The following HRAS variants were observed in gnomAD, a reference collection of about 807,000 sequenced individuals.
The protein encoded by HRAS is GTPase HRas.
A neutral mutation model predicts 19.8 loss-of-function variants in HRAS; 11 were observed. That is an observed-to-expected ratio of 0.55 (90% CI 0.35 to 0.92). The LOEUF (loss-of-function observed/expected upper bound fraction) is 0.92, where lower values mean the gene tolerates loss of function less well. Among genes scored for constraint, HRAS ranks in the 40% least tolerant of loss-of-function variants. The pLI is 0.01. For synonymous variants in HRAS, 149 were observed against 105.5 expected (o/e 1.41, Z -2.52); for missense variants, 204 against 255.9 (o/e 0.80, Z 1.38).
At chr11:534,542 G>C in intron 1 of HRAS, 167 bp from the exon 2 acceptor site, 1 of 595,896 alleles carries the variant, frequency 1.7e-6, no homozygotes, top group Admixed American at 3.0e-5. Flanking sequence ...CCCAGCGTGC[G>C]GGAGGGCTGT....
chr11:532,772 G>A lies in HRAS; in HGVS notation c.451-17C>T, dbSNP rs754150592. ...CTCCACTCCCTGGGAAAGGAGGGAT[G>A]GGATCAGGAGGGACCGGCCTGTGGC... On this transcript the variant is annotated splice_polypyrimidine_tract_variant and intron_variant, in intron 4 of 5. Coordinates refer to ENST00000311189, the MANE Select transcript of HRAS (RefSeq NM_005343.4). 2 of 1,610,894 alleles carry A rather than the reference G, an allele frequency of 1.2e-6. No individual in the cohort carries two copies. The highest frequency in any genetic ancestry group is 1.7e-5 in the Admixed American group (1 of 60,006).
Position 533,337 on chromosome 11 carries a change from A to C in HRAS, c.450+116T>G, listed in dbSNP as rs748920784. 6.2e-6 allele frequency: 10 copies of C among 1,605,186 alleles called. No individual in the cohort carries two copies. The highest frequency in any genetic ancestry group is 1.7e-5 in the Admixed American group (1 of 59,946). On this transcript the variant is annotated intron_variant, in intron 4 of 5. Transcript: ENST00000311189. Reference sequence around the variant, plus strand: ...GGGTCCCAGAGGGTCCCGGAGCTGGAGCTAGAGCCAGAGCGGCTGCCCTGT... The same window carrying C: ...GGGTCCCAGAGGGTCCCGGAGCTGGCGCTAGAGCCAGAGCGGCTGCCCTGT...
intron 4 of HRAS, 78 bp from the exon 5 acceptor site, chr11:532,833 C>T (rs959690532): frequency 6.9e-7 from 1 of 1,457,000 alleles, no homozygotes; most frequent in East Asian, 2.3e-5. Flanking sequence ...GCTGTGGGAT[C>T]AAGCCTTGCC....
chr11:534,294 CCCA>C lies in HRAS; in HGVS notation c.26_28del (p.Val9del), dbSNP rs1164486792. 6.2e-7 allele frequency: 1 copy of C among 1,613,164 alleles called. No homozygotes were observed. The highest frequency in any genetic ancestry group is 8.5e-7 in the Non-Finnish European group (1 of 1,179,864). Reference sequence around the variant, plus strand: ...CGCACTCTTGCCCACACCGCCGGCGCCCACCACCACCAGCTTATATTCCGTCAT... The same window carrying C: ...CGCACTCTTGCCCACACCGCCGGCGCCCACCACCAGCTTATATTCCGTCAT... On this transcript the variant is annotated inframe_deletion, in exon 2 of 6. Coordinates refer to ENST00000311189, the MANE Select transcript of HRAS (RefSeq NM_005343.4).
rs2133995845 is a variant in HRAS, at chr11:534,375, C to G, written c.-53G>C. ...TCCTCCTACAGGGTCTCCTGCCCCA[C>G]CTGCCAAGGAGGGCCCTGCTCAGCC... On this transcript the variant is annotated splice_region_variant and 5_prime_UTR_variant, in exon 2 of 6. Coordinates refer to ENST00000311189, the MANE Select transcript of HRAS (RefSeq NM_005343.4). The G allele has an allele frequency of 6.9e-7, 1 of 1,452,954 alleles. No individual in the cohort carries two copies. 90.0% of individuals were successfully genotyped at this position (1,452,954 alleles called of 1,614,324 possible).
rs772211333 is a variant in HRAS, at chr11:533,500, G to A, written c.403C>T (p.Arg135Ter). The A allele has an allele frequency of 2.5e-6, 4 of 1,613,488 alleles. No individual in the cohort carries two copies. Among genetic ancestry groups the A allele is most frequent in the South Asian group, 1.1e-5 (1 of 91,092 alleles). The stretch of plus-strand genomic sequence containing the variant: ...TCGATGTAGGGGATGCCGTAGCTTC[G>A]GGCGAGGTCCTGAGCCTGCCGAGAT... ...VESRQAQDLA[R>*]SYGIPYIETS... The change falls in exon 4 of 6, where the codon CGA becomes TGA. Residue 135 changes from arginine to a stop codon, truncating the protein, a stop_gained. Transcript: ENST00000311189. LOFTEE classifies it high-confidence loss of function.
Position 532,869 on chromosome 11 carries a change from G to A in HRAS, c.451-114C>T, listed in dbSNP as rs1564788127. On this transcript the variant is annotated intron_variant, in intron 4 of 5. Transcript: ENST00000311189. ...TGGCCCGAAGCTCCCGACTCCACCA[G>A]CCACTTCCCCAGGCCCACCACACAC... is the stretch of plus-strand genomic sequence containing the variant. The A allele has an allele frequency of 1.1e-4, 111 of 1,052,932 alleles. 1 individual carries two copies. The highest frequency in any genetic ancestry group is 1.2e-4 in the Non-Finnish European group (80 of 695,298). The allele number at this position is 1,052,932 out of a possible 1,614,324, so 65.2% of individuals were successfully genotyped here. A position where few individuals can be genotyped will look rare whatever the true frequency, so the allele number is the denominator to read the frequency against.
intron 5 of HRAS, 45 bp from the exon 6 acceptor site, chr11:532,567 C>T (rs370005242): frequency 9.5e-6 from 15 of 1,571,204 alleles, no homozygotes; most frequent in African/African-American, 5.4e-5. Context: ...GCCAGGAGAC[C>T]GGCAGGGGCG....
Position 532,411 on chromosome 11 carries a change from G to T in HRAS, c.*117C>A. The T allele has an allele frequency of 1.5e-6, 1 of 648,430 alleles. No homozygotes were observed. The highest frequency in any genetic ancestry group is 2.7e-6 in the Non-Finnish European group (1 of 375,426). The allele number at this position is 648,430 out of a possible 1,614,324, so 40.2% of individuals were successfully genotyped here. ...CAGTCACCTCGGCCCACGGTCCCGG[G>T]GTGACTGGGCTCCAGCAGCCCTTCC... On this transcript the variant is annotated 3_prime_UTR_variant, in exon 6 of 6. Transcript: ENST00000311189.
chr11:534,622 G>C, intron 1 of HRAS: 1 of 513,988 alleles, frequency 1.9e-6, no homozygotes, highest in Admixed American at 3.3e-5. Context: ...AGGCAGGGCT[G>C]ACAGCTGAGC....
chr11:533,888 C>G lies in HRAS; in HGVS notation c.168G>C (p.Leu56=), dbSNP rs2133991200. 1 of 1,613,314 alleles carries G rather than the reference C, an allele frequency of 6.2e-7. No homozygotes were observed. Among genetic ancestry groups the G allele is most frequent in the Non-Finnish European group, 8.5e-7 (1 of 1,179,996 alleles). Residue 56 remains leucine, a synonymous_variant, in exon 3 of 6, where the codon CTG becomes CTC. Coordinates refer to ENST00000311189, the MANE Select transcript of HRAS (RefSeq NM_005343.4). The stretch of plus-strand genomic sequence containing the variant: ...TGTACTCCTCCTGGCCGGCGGTATC[C>G]AGGATGTCCAACAGGCACGTCTCCC... The part of the protein sequence containing the change: ...IDGETCLLDI[L]DTAGQEEYSA...
At chr11:534,606 C>T (rs1042961042) in intron 1 of HRAS, 11 of 542,826 alleles carry the variant, frequency 2.0e-5, no homozygotes, top group Middle Eastern at 4.8e-4. Context: ...GGGACCCAGC[C>T]CTCAAAGGCA....
At position 534,222 on chromosome 11, in the gene HRAS, G is replaced by A. The variant is rs2133994210; in HGVS notation, c.101C>T (p.Pro34Leu). 1.2e-6 allele frequency: 2 copies of A among 1,611,924 alleles called. No homozygotes were observed. Among genetic ancestry groups the A allele is most frequent in the Non-Finnish European group, 8.5e-7 (1 of 1,178,410 alleles). ...IQNHFVDEYD[P>L]TIEDSYRKQV... ...CGGCGCCAGGCTCACCTCTATAGTG[G>A]GGTCGTATTCGTCCACAAAATGGTT... The change falls in exon 2 of 6, where the codon CCC becomes CTC. Residue 34 changes from proline to leucine, a missense_variant. Pro to Leu is a moderately conservative substitution (Grantham distance 98). Transcript: ENST00000311189.
intron 1 of HRAS, chr11:535,194 G>A (rs1177834394): frequency 6.6e-6 from 1 of 151,408 alleles, no homozygotes; most frequent in African/African-American, 2.4e-5. Context: ...GTGGGGCCCG[G>A]ATTCCCGCAG....
chr11:532,507 A>G lies in HRAS; in HGVS notation c.*21T>C, dbSNP rs1213734231. On this transcript the variant is annotated 3_prime_UTR_variant, in exon 6 of 6. Transcript: ENST00000311189. ...CCTCCTTCCTGCATCCGGCACCTCC[A>G]TGTCCTGAGCTTGTGCTGGGCGGGG... is the stretch of plus-strand genomic sequence containing the variant. 2.3e-6 allele frequency: 3 copies of G among 1,289,964 alleles called. No homozygotes were observed. The highest frequency in any genetic ancestry group is 3.2e-6 in the Non-Finnish European group (3 of 931,866). 79.9% of individuals were successfully genotyped at this position (1,289,964 alleles called of 1,614,324 possible).
chr11:533,283 A>C lies in HRAS; in HGVS notation c.450+170T>G. ...GCCGTCCCGGGAGACTTACAGCGCGAGGGGCCGCTGGGTCACATGGGTCCC... is the reference window on the plus strand; with the variant it reads ...GCCGTCCCGGGAGACTTACAGCGCGCGGGGCCGCTGGGTCACATGGGTCCC... On this transcript the variant is annotated intron_variant, in intron 4 of 5. Coordinates refer to ENST00000311189, the MANE Select transcript of HRAS (RefSeq NM_005343.4). 1 of 1,592,280 alleles carries C rather than the reference A, an allele frequency of 6.3e-7. No homozygotes were observed. Among genetic ancestry groups the C allele is most frequent in the Non-Finnish European group, 8.5e-7 (1 of 1,175,810 alleles).
Position 534,299 on chromosome 11 carries a change from C to T in HRAS, c.24G>A (p.Val8=), listed in dbSNP as rs1451160542. The change falls in exon 2 of 6, where the codon GTG becomes GTA. Residue 8 remains valine (V), a synonymous_variant. Coordinates refer to ENST00000311189, the MANE Select transcript of HRAS (RefSeq NM_005343.4). MTEYKLV[V]VGAGGVGKSA... ...TCTTGCCCACACCGCCGGCGCCCAC[C>T]ACCACCAGCTTATATTCCGTCATCG... 1 of 1,613,276 alleles carries T rather than the reference C, an allele frequency of 6.2e-7. No homozygotes were observed. Among genetic ancestry groups the T allele is most frequent in the Non-Finnish European group, 8.5e-7 (1 of 1,179,908 alleles).
chr11:534,781 G>A (rs1851354839), intron 1 of HRAS, among the ~76,000 whole-genome samples: 1 of 152,220 alleles, frequency 6.6e-6, no homozygotes, highest in African/African-American at 2.4e-5. Flanking sequence ...GTGCCAGCCT[G>A]CAGGCCCCGC....
chr11:535,128 G>A (rs1310249643), intron 1 of HRAS: 8 of 152,084 alleles, frequency 5.3e-5, no homozygotes, highest in African/African-American at 1.4e-4. Flanking sequence ...GAGGGCGCCG[G>A]GCCCGAGGCT....
Sources: allele counts gnomAD v4.1 joint callset (sites outside exome capture counted in the v4.1 genomes callset), GRCh38; gene constraint gnomAD v4.1.1; transcripts MANE v1.5; gene names NCBI Gene and HGNC (gene_info 2026-07-23, HGNC 2026-07-21).